Variants in CLMN observed in about 807,000 individuals in gnomAD.
The protein encoded by CLMN is calmin.
Under a neutral mutation model 92.7 loss-of-function variants are expected in CLMN, and 57 were observed. The ratio of observed to expected loss-of-function variants is 0.61; its 90% confidence interval spans 0.50 to 0.77. The LOEUF (loss-of-function observed/expected upper bound fraction) is 0.77, where lower values mean the gene tolerates loss of function less well. Ranked by LOEUF, CLMN falls within the 30% of genes least tolerant of loss-of-function variation. The pLI is 0.00. For synonymous variants in CLMN, 466 were observed against 470.6 expected (o/e 0.99, Z 0.13); for missense variants, 1,158 against 1,237.5 (o/e 0.94, Z 0.96).
intron 1 of CLMN, among the ~76,000 whole-genome samples, chr14:95,258,389 G>GGT: frequency 6.6e-6 from 1 of 150,416 alleles, no homozygotes; most frequent in African/African-American, 2.4e-5. Context: ...GTGTATGTGT[G>GGT]GTGTGTGTGT....
chr14:95,204,586 A>C, intron 8 of CLMN, 123 bp from the exon 9 acceptor site: 1 of 915,980 alleles, frequency 1.1e-6, no homozygotes, highest in Non-Finnish European at 1.6e-6. Flanking sequence ...TTCCCAAAAC[A>C]CAAACAAACA....
chr14:95,290,191 T>C (rs558991340), intron 1 of CLMN, among the ~76,000 whole-genome samples: 1 of 152,244 alleles, frequency 6.6e-6, no homozygotes, highest in South Asian at 2.1e-4. Flanking sequence ...TGGGTCCTAG[T>C]GCTAAACCCT....
At chr14:95,296,540 T>A (rs1000904577) in intron 1 of CLMN, among the ~76,000 whole-genome samples, 11 of 152,238 alleles carry the variant, frequency 7.2e-5, no homozygotes, top group African/African-American at 2.7e-4. Context: ...ACCCAGTGAC[T>A]AAGTGCTGAC....
chr14:95,249,618 G>A, intron 1 of CLMN, among the ~76,000 whole-genome samples: 1 of 151,444 alleles, frequency 6.6e-6, no homozygotes, highest in East Asian at 1.9e-4. Flanking sequence ...TTGAGATGGA[G>A]TCTCCCTCTG....
At chr14:95,293,594 C>T (rs893440151) in intron 1 of CLMN, among the ~76,000 whole-genome samples, 2 of 152,122 alleles carry the variant, frequency 1.3e-5, no homozygotes, top group Non-Finnish European at 2.9e-5. Flanking sequence ...TGCACCTGCT[C>T]CCAGCAGGCA....
At chr14:95,226,999 G>C (rs527891475) in intron 2 of CLMN, among the ~76,000 whole-genome samples, 1 of 152,322 alleles carries the variant, frequency 6.6e-6, no homozygotes, top group South Asian at 2.1e-4. Context: ...CTGGGTACAG[G>C]GGAAGGCTGG....
chr14:95,225,287 G>A (rs1438551490), intron 2 of CLMN, among the ~76,000 whole-genome samples: 2 of 152,148 alleles, frequency 1.3e-5, no homozygotes, highest in Admixed American at 6.5e-5. Context: ...TCAAAGCCAG[G>A]CTCTACCTTG....
intron 1 of CLMN, among the ~76,000 whole-genome samples, chr14:95,245,210 ATATATATATATATATTATATATATATATT>A (rs1898452864): frequency 4.1e-5 from 1 of 24,186 alleles, no homozygotes; most frequent in Non-Finnish European, 6.4e-5. Flanking sequence ...TATATATATT[ATATATATATATATATTATATATATATATT>A]ATATATATAT....
intron 1 of CLMN, among the ~76,000 whole-genome samples, chr14:95,268,118 T>C (rs1365837510): frequency 6.6e-6 from 1 of 152,192 alleles, no homozygotes; most frequent in Non-Finnish European, 1.5e-5. Context: ...GTACAGTGAC[T>C]ATGGTTGATA....
intron 1 of CLMN, among the ~76,000 whole-genome samples, chr14:95,263,930 C>T (rs894124451): frequency 2.0e-5 from 3 of 152,186 alleles, no homozygotes; most frequent in Admixed American, 2.0e-4. Flanking sequence ...TGACCTCAGA[C>T]CCTCTGAGTC....
chr14:95,209,854 T>C (rs1398002400), intron 7 of CLMN, among the ~76,000 whole-genome samples: 1 of 152,192 alleles, frequency 6.6e-6, no homozygotes, highest in African/African-American at 2.4e-5. Flanking sequence ...GGAAGGCAAC[T>C]TCACAGAGAT....
intron 1 of CLMN, among the ~76,000 whole-genome samples, chr14:95,283,455 G>A (rs907613741): frequency 6.6e-6 from 1 of 152,214 alleles, no homozygotes; most frequent in Admixed American, 6.5e-5. Flanking sequence ...AAACGTGGAA[G>A]CGACTTTGGA....
At position 95,184,220 on chromosome 14, in the gene CLMN, C is replaced by G. The variant is rs1475484519; in HGVS notation, c.*7344G>C. ...TAGTTTGCCAAGATCACCCAGAGAT[C>G]TGGTGACAGAGCTGGGACTCCAATC... On this transcript the variant is annotated 3_prime_UTR_variant, in exon 13 of 13. Transcript: ENST00000298912. 1 of 152,238 alleles carries G rather than the reference C, an allele frequency of 6.6e-6. No individual in the cohort carries two copies. The highest frequency in any genetic ancestry group is 2.4e-5 in the African/African-American group (1 of 41,454). 9.4% of individuals were successfully genotyped at this position (152,238 alleles called of 1,614,324 possible).
chr14:95,306,883 T>C (rs979183113), intron 1 of CLMN, among the ~76,000 whole-genome samples: 1 of 152,178 alleles, frequency 6.6e-6, no homozygotes, highest in Non-Finnish European at 1.5e-5. Flanking sequence ...CCTCACCTTC[T>C]ACAGTAAGAA....
At chr14:95,238,152 C>A (rs547018096) in intron 1 of CLMN, among the ~76,000 whole-genome samples, 4 of 152,342 alleles carry the variant, frequency 2.6e-5, no homozygotes, top group East Asian at 1.9e-4. Context: ...CCGACTCCCA[C>A]GGCCCACTGC....
intron 2 of CLMN, among the ~76,000 whole-genome samples, chr14:95,229,030 G>C (rs1897799367): frequency 6.6e-6 from 1 of 152,146 alleles, no homozygotes; most frequent in Admixed American, 6.5e-5. Flanking sequence ...CATGAAAGTG[G>C]GGTGCTACTA....
chr14:95,298,669 A>G (rs2140774085), intron 1 of CLMN, among the ~76,000 whole-genome samples: 1 of 152,358 alleles, frequency 6.6e-6, no homozygotes, highest in South Asian at 2.1e-4. Flanking sequence ...ACAGGAGTAC[A>G]TTCATGTCTT....
At chr14:95,211,392 A>T (rs777699562) in intron 6 of CLMN, among the ~76,000 whole-genome samples, 46 of 152,196 alleles carry the variant, frequency 3.0e-4, no homozygotes, top group Non-Finnish European at 5.9e-4. Context: ...CATAGGGTCA[A>T]CCTAATATAC....
At chr14:95,273,994 G>A (rs1899819770) in intron 1 of CLMN, among the ~76,000 whole-genome samples, 1 of 152,132 alleles carries the variant, frequency 6.6e-6, no homozygotes, top group Admixed American at 6.5e-5. Context: ...TCTGAACCTG[G>A]CATCCCCTTC....
Sources: gnomAD v4.1 joint callset for allele counts (sites outside exome capture counted in the v4.1 genomes callset) on GRCh38, gnomAD v4.1.1 for gene constraint, MANE v1.5 for transcripts, NCBI Gene and HGNC (gene_info 2026-07-23, HGNC 2026-07-21) for gene names.